PAGE5: variants seen among roughly 807,000 people sequenced by gnomAD.
The protein encoded by PAGE5 is PAGE family member 5.
In PAGE5, 8 loss-of-function variants were observed where a neutral mutation model predicts 8.1. The observed-to-expected ratio is 0.98, with a 90% CI of 0.58 to 1.77. PAGE5 has a LOEUF of 1.77. PAGE5 is among the 40% of genes most tolerant of loss of function. PAGE5 has a pLI of 0.00. For synonymous variants in PAGE5, 30 were observed against 27.0 expected, an observed-to-expected ratio of 1.11 and a Z score of -0.35; for missense variants, 64 against 77.6, an observed-to-expected ratio of 0.82 and a Z score of 0.66.
At chrX:55,220,484 T>C in intron 1 of PAGE5, 32 bp downstream of exon 1, 4 of 680,460 alleles carry the variant, frequency 5.9e-6, no homozygotes, top group Non-Finnish European at 9.3e-6. Context: ...CCTGGTAATT[T>C]AGTTGTGAGT....
chrX:55,220,644 G>GT (rs764366381), intron 1 of PAGE5, 192 bp downstream of exon 1: 6 of 1,199,938 alleles, frequency 5.0e-6, no homozygotes. Flanking sequence ...CTGGAACGAG[G>GT]GAGGAAGGTA....
At chrX:55,220,608 G>A (rs748799326) in intron 1 of PAGE5, 156 bp downstream of exon 1, 19 of 1,197,955 alleles carry the variant, frequency 1.6e-5, no homozygotes, top group Admixed American at 2.3e-5. Flanking sequence ...TGATGCAGGC[G>A]CCATGGGCCG....
chrX:55,221,653 C>T (rs905490818), intron 2 of PAGE5, 114 bp from the exon 3 acceptor site: 1 of 920,975 alleles, frequency 1.1e-6, no homozygotes, highest in Non-Finnish European at 1.5e-6. Flanking sequence ...ATTTTACTCT[C>T]TCTCTATATA....
At chrX:55,221,661 A>G in intron 2 of PAGE5, 106 bp from the exon 3 acceptor site, 2 of 920,510 alleles carry the variant, frequency 2.2e-6, no homozygotes, top group South Asian at 2.3e-5. Flanking sequence ...CTCTCTCTAT[A>G]TATATATCTA....
rs1488052884 is a variant in PAGE5, at chrX:55,221,466, G to C, written c.81+3G>C. The stretch of plus-strand genomic sequence containing the variant: ...CCCAGCCAGTTGGACCTGTGATTGT[G>C]AGTCCTTTAGCATTTGATGTTTTCT... On this transcript the variant is annotated splice_donor_region_variant and intron_variant, in intron 2 of 4. Transcript: ENST00000374955. The C allele has an allele frequency of 8.4e-7, 1 of 1,197,446 alleles. No homozygotes were observed. The highest frequency in any genetic ancestry group is 1.1e-6 in the Non-Finnish European group (1 of 885,216).
At position 55,223,980 on chromosome X, in the gene PAGE5, A is replaced by G. The variant is rs1569549490; in HGVS notation, c.317-7A>G. 8.8e-7 allele frequency: 1 copy of G among 1,138,660 alleles called. No individual in the cohort carries two copies. Among genetic ancestry groups the G allele is most frequent in the East Asian group, 3.1e-5 (1 of 32,404 alleles). The allele number at this position is 1,138,660 out of a possible 1,213,427, so 93.8% of individuals were successfully genotyped here. A position where few individuals can be genotyped will look rare whatever the true frequency, so the allele number is the denominator to read the frequency against. On this transcript the variant is annotated splice_region_variant and splice_polypyrimidine_tract_variant and intron_variant, in intron 4 of 4. Transcript: ENST00000374955. ...TAACGTGCTCTAATTTTATATTTAT[A>G]TTATAGGTGAAGGGCAACTATAGGT...
rs1284988045 is a variant in PAGE5 at position 55,220,392 on chromosome X, T to C, written c.-69T>C. ...GCAAGGAGAGGTTGTGTCTTCGTTCTTTCCGCCATCTTCGTTCTTTCCAAC... is the reference window on the plus strand; with the variant it reads ...GCAAGGAGAGGTTGTGTCTTCGTTCCTTCCGCCATCTTCGTTCTTTCCAAC... On this transcript the variant is annotated 5_prime_UTR_variant, in exon 1 of 5. Transcript: ENST00000374955. 1.6e-5 allele frequency: 7 copies of C among 434,235 alleles called. No individual in the cohort carries two copies. The highest frequency in any genetic ancestry group is 1.2e-4 in the African/African-American group (5 of 40,927). The allele number at this position is 434,235 out of a possible 1,213,427, so 35.8% of individuals were successfully genotyped here.
chrX:55,222,694 T>G lies in PAGE5; in HGVS notation c.264T>G (p.Asp88Glu). 8.3e-7 allele frequency: 1 copy of G among 1,210,357 alleles called. No homozygotes were observed. Among genetic ancestry groups the G allele is most frequent in the Non-Finnish European group, 1.1e-6 (1 of 894,041 alleles). The change falls in exon 4 of 5, where the codon GAT becomes GAG. Residue 88 changes from aspartate to glutamate, a missense_variant. Coordinates refer to ENST00000374955, the MANE Select transcript of PAGE5 (RefSeq NM_001013435.3). Reference sequence around the variant, plus strand: ...AGGATGCACCTGGAGATGGTCCTGATGTCAGGGAGGGGACTCTGCCCACTT... The same window carrying G: ...AGGATGCACCTGGAGATGGTCCTGAGGTCAGGGAGGGGACTCTGCCCACTT... ...KIEDAPGDGP[D>E]VREGTLPTFD... is the part of the protein sequence containing the mutation.
Position 55,221,771 on chromosome X carries a change from A to C in PAGE5, c.86A>C (p.Gln29Pro), listed in dbSNP as rs1937895124. 1.7e-6 allele frequency: 2 copies of C among 1,207,268 alleles called. No individual in the cohort carries two copies. Among genetic ancestry groups the C allele is most frequent in the African/African-American group, 3.5e-5 (2 of 57,040 alleles). ...CACACACACTTACACCCTTAGGTCC[A>C]GCAGCCCACTGAGGAAAAACGTCAA... ...SSQPVGPVIVQQPTEEKRQEE... is the reference protein window; with the variant it reads ...SSQPVGPVIVPQPTEEKRQEE... The change falls in exon 3 of 5, where the codon CAG becomes CCG. Residue 29 changes from glutamine to proline, a missense_variant. Physicochemically the swap from Gln to Pro is moderately conservative, Grantham distance 76. Coordinates refer to ENST00000374955, the MANE Select transcript of PAGE5 (RefSeq NM_001013435.3).
In PAGE5 at chrX:55,222,494, T is replaced by C. The variant is rs1937905444; in HGVS notation, c.191-127T>C. 3.7e-6 allele frequency: 3 copies of C among 812,766 alleles called. No homozygotes were observed. The South Asian group carries it at 7.4e-5, about 20-fold the overall frequency. The allele number at this position is 812,766 out of a possible 1,213,427, so 67.0% of individuals were successfully genotyped here. A position where few individuals can be genotyped will look rare whatever the true frequency, so the allele number is the denominator to read the frequency against. On this transcript the variant is annotated intron_variant, in intron 3 of 4. Transcript: ENST00000374955. ...TTGAACATTTCTGCTTTCCTGCTTT[T>C]CTGGCAACAGACTTCTGAAATAATT...
At chrX:55,221,945 A>G in intron 3 of PAGE5, 70 bp downstream of exon 3, 1 of 1,012,632 alleles carries the variant, frequency 9.9e-7, no homozygotes, top group South Asian at 2.1e-5. Context: ...TTTGTGACAT[A>G]CCAGTAACAG....
At chrX:55,222,473 A>T in intron 3 of PAGE5, 148 bp from the exon 4 acceptor site, 2 of 670,888 alleles carry the variant, frequency 3.0e-6, no homozygotes, top group East Asian at 3.5e-5. Context: ...CAATGTTTGA[A>T]CATTTCTGCT....
chrX:55,222,618 A>G lies in PAGE5; in HGVS notation c.191-3A>G. On this transcript the variant is annotated splice_region_variant and splice_polypyrimidine_tract_variant and intron_variant, in intron 3 of 4. Transcript: ENST00000374955. ...CGTAAATTGACGACTTTTTATCTTT[A>G]AGGGACTGATGTGGAAGCTTTTCAA... 5.0e-6 allele frequency: 6 copies of G among 1,204,352 alleles called. No individual in the cohort carries two copies. Among genetic ancestry groups the G allele is most frequent in the Non-Finnish European group, 5.6e-6 (5 of 888,933 alleles).
At chrX:55,223,177 T>C (rs1442834811) in intron 4 of PAGE5, among the ~76,000 whole-genome samples, 1 of 112,682 alleles carries the variant, frequency 8.9e-6, no homozygotes, top group East Asian at 2.8e-4. Context: ...ATGATAAATA[T>C]ATATGATTTC....
Position 55,221,832 on chromosome X carries a change from A to C in PAGE5, c.147A>C (p.Ala49=). 2.5e-6 allele frequency: 3 copies of C among 1,209,361 alleles called. No individual in the cohort carries two copies. The highest frequency in any genetic ancestry group is 3.4e-6 in the Non-Finnish European group (3 of 894,406). The change falls in exon 3 of 5, where the codon GCA becomes GCC. Residue 49 remains alanine, a synonymous_variant. Transcript: ENST00000374955. ...EEPPTDNQGI[A]PSGEIKNEGA... ...CACCAACTGATAATCAGGGTATTGC[A>C]CCTAGTGGGGAGATCAAAAATGAAG...
intron 3 of PAGE5, 122 bp downstream of exon 3, chrX:55,221,997 C>G (rs1163181536): frequency 1.3e-6 from 1 of 788,319 alleles, no homozygotes; most frequent in African/African-American, 2.1e-5. Flanking sequence ...ACATTTCTTA[C>G]TGCTGCTGTG....
chrX:55,221,721 G>T (rs750331128), intron 2 of PAGE5, 46 bp from the exon 3 acceptor site: 14 of 1,149,115 alleles, frequency 1.2e-5, no homozygotes, highest in Non-Finnish European at 1.4e-5. Flanking sequence ...GCATTTGTGT[G>T]TTTATATTAT....
intron 1 of PAGE5, chrX:55,220,776 G>T (rs754609599): frequency 1.3e-4 from 94 of 701,772 alleles, no homozygotes; most frequent in Non-Finnish European, 8.3e-5. Flanking sequence ...TGGACTCTTC[G>T]TTAGGGATGC....
At chrX:55,221,924 A>G (rs1240631937) in intron 3 of PAGE5, 49 bp downstream of exon 3, 6 of 1,110,309 alleles carry the variant, frequency 5.4e-6, no homozygotes, top group African/African-American at 1.8e-5. Flanking sequence ...AGGTCTATTT[A>G]TGCATTATAT....
Sources: allele counts gnomAD v4.1 joint callset (sites outside exome capture counted in the v4.1 genomes callset), GRCh38; gene constraint gnomAD v4.1.1; transcripts MANE v1.5; gene names NCBI Gene and HGNC (gene_info 2026-07-23, HGNC 2026-07-21).